Variants in UGT8 observed in about 807,000 individuals in gnomAD.
UGT8 encodes the protein 2-hydroxyacylsphingosine 1-beta-galactosyltransferase.
In UGT8, 12 loss-of-function variants were observed where a neutral mutation model predicts 40.5. The ratio of observed to expected loss-of-function variants is 0.30; its 90% CI spans 0.19 to 0.48. The LOEUF is 0.48. UGT8 is among the 20% of genes least tolerant of loss of function. The probability of loss-of-function intolerance (pLI) is 0.99; values close to 1 mark genes in which losing one functional copy is unlikely to be tolerated. For synonymous variants in UGT8, 224 were observed against 240.4 expected (o/e 0.93, Z 0.63); for missense variants, 513 against 648.7 (o/e 0.79, Z 2.27).
chr4:114,662,341 C>G (rs993606992), intron 2 of UGT8, among the ~76,000 whole-genome samples: 1 of 152,156 alleles, frequency 6.6e-6, no homozygotes, highest in African/African-American at 2.4e-5. Flanking sequence ...AGAGTAAGAG[C>G]TACAGCTCAC....
chr4:114,629,112 C>T (rs369107714), intron 2 of UGT8, among the ~76,000 whole-genome samples: 69 of 152,128 alleles, frequency 4.5e-4, no homozygotes, highest in African/African-American at 1.6e-3. Context: ...AGGGTTGCAG[C>T]AGATGTGGAA....
chr4:114,622,841 G>T (rs368199565), intron 1 of UGT8, 38 bp from the exon 2 acceptor site: 2 of 1,537,342 alleles, frequency 1.3e-6, no homozygotes, highest in African/African-American at 1.4e-5. Context: ...GGTGAGCATT[G>T]TATTTTGTTT....
intron 1 of UGT8, among the ~76,000 whole-genome samples, chr4:114,605,802 TAAGAA>T (rs1326422623): frequency 6.6e-6 from 1 of 152,126 alleles, no homozygotes; most frequent in African/African-American, 2.4e-5. Context: ...ATTTATAGAA[TAAGAA>T]AATAGGGCAA....
At chr4:114,674,744 C>A (rs1452018152) in intron 5 of UGT8, among the ~76,000 whole-genome samples, 1 of 152,244 alleles carries the variant, frequency 6.6e-6, no homozygotes, top group African/African-American at 2.4e-5. Flanking sequence ...AGTCTTCACA[C>A]ATGTCCAATC....
intron 2 of UGT8, among the ~76,000 whole-genome samples, chr4:114,652,095 T>C (rs1283821691): frequency 6.6e-6 from 1 of 152,146 alleles, no homozygotes; most frequent in East Asian, 1.9e-4. Flanking sequence ...AGATAAATTC[T>C]TAAATTTGGC....
chr4:114,656,600 T>A (rs1188216043), intron 2 of UGT8, among the ~76,000 whole-genome samples: 2 of 152,184 alleles, frequency 1.3e-5, no homozygotes, highest in African/African-American at 4.8e-5. Flanking sequence ...AGAAGAAAAG[T>A]CTTGTGAATA....
intron 2 of UGT8, among the ~76,000 whole-genome samples, chr4:114,643,421 C>A (rs1470911913): frequency 6.6e-6 from 1 of 152,068 alleles, no homozygotes; most frequent in Non-Finnish European, 1.5e-5. Context: ...TTGTTTTGTG[C>A]TTTTCCATTT....
chr4:114,642,023 A>G (rs1244727314), intron 2 of UGT8, among the ~76,000 whole-genome samples: 2 of 152,290 alleles, frequency 1.3e-5, no homozygotes, highest in African/African-American at 4.8e-5. Flanking sequence ...ATCAATAAAA[A>G]GAGGAAAGGG....
At chr4:114,647,356 T>TTGTGTGTGTGTGTGTGTG (rs34575248) in intron 2 of UGT8, among the ~76,000 whole-genome samples, 1 of 143,200 alleles carries the variant, frequency 7.0e-6, no homozygotes, top group Non-Finnish European at 1.5e-5. Flanking sequence ...ATTAGCTCTT[T>TTGTGTGTGTGTGTGTGTG]TGTGTGTGTG....
intron 2 of UGT8, among the ~76,000 whole-genome samples, chr4:114,632,044 C>T (rs1732612371): frequency 6.6e-6 from 1 of 152,198 alleles, no homozygotes. Flanking sequence ...GTAAGGGCCT[C>T]AGAACTAATA....
At chr4:114,618,262 T>C (rs1161114034) in intron 1 of UGT8, among the ~76,000 whole-genome samples, 1 of 152,228 alleles carries the variant, frequency 6.6e-6, no homozygotes, top group African/African-American at 2.4e-5. Flanking sequence ...TCTACATAAG[T>C]ATTGGTATCT....
intron 2 of UGT8, among the ~76,000 whole-genome samples, chr4:114,654,391 A>G (rs1734053482): frequency 1.3e-5 from 2 of 152,012 alleles, no homozygotes; most frequent in Admixed American, 6.6e-5. Flanking sequence ...CATTAGAGAC[A>G]TTTCAGCCCC....
chr4:114,616,243 T>A (rs1054308782), intron 1 of UGT8, among the ~76,000 whole-genome samples: 5 of 152,146 alleles, frequency 3.3e-5, no homozygotes, highest in Admixed American at 2.6e-4. Flanking sequence ...TGCAGTGGGC[T>A]CCACCCAGTT....
chr4:114,615,692 G>T (rs1731366374), intron 1 of UGT8, among the ~76,000 whole-genome samples: 1 of 152,098 alleles, frequency 6.6e-6, no homozygotes, highest in South Asian at 2.1e-4. Flanking sequence ...ATTCCAGCTG[G>T]CAGGAAGGTG....
At chr4:114,601,244 T>G (rs925357257) in intron 1 of UGT8, among the ~76,000 whole-genome samples, 1 of 152,208 alleles carries the variant, frequency 6.6e-6, no homozygotes, top group Non-Finnish European at 1.5e-5. Context: ...TTTTGACAGT[T>G]TACATTTCCC....
rs751690973 is a variant in UGT8, at chr4:114,623,585, T to C, written c.705T>C (p.His235=). The change falls in exon 2 of 6, where the codon CAT becomes CAC. Residue 235 remains histidine, a synonymous_variant. Coordinates refer to ENST00000310836, the MANE Select transcript of UGT8 (RefSeq NM_001128174.3). The stretch of plus-strand genomic sequence containing the variant: ...AGAAGTCCATGTATGATTTGGTTCA[T>C]GGGTCCAGCCTGTGGATGCTGTGTA... ...LPEKSMYDLV[H]GSSLWMLCTD... is the part of the protein sequence containing the mutation. 60 of 1,614,062 alleles carry C rather than the reference T, an allele frequency of 3.7e-5. No homozygotes were observed. Among genetic ancestry groups the C allele is most frequent in the East Asian group, 1.3e-4 (6 of 44,878 alleles).
At chr4:114,614,716 T>C (rs985935687) in intron 1 of UGT8, among the ~76,000 whole-genome samples, 1 of 152,206 alleles carries the variant, frequency 6.6e-6, no homozygotes, top group Admixed American at 6.5e-5. Context: ...ATGAAAAACA[T>C]TAATTTAGTA....
At chr4:114,616,489 G>A (rs939568600) in intron 1 of UGT8, among the ~76,000 whole-genome samples, 4 of 152,130 alleles carry the variant, frequency 2.6e-5, no homozygotes, top group Non-Finnish European at 5.9e-5. Flanking sequence ...TTTTCCAGGT[G>A]CCTTCTGTCA....
intron 2 of UGT8, among the ~76,000 whole-genome samples, chr4:114,660,727 G>A (rs1383312722): frequency 6.6e-6 from 1 of 151,498 alleles, no homozygotes; most frequent in Non-Finnish European, 1.5e-5. Flanking sequence ...CCCATCTCTA[G>A]TAAAAATACA....
Sources: gnomAD v4.1 joint callset for allele counts (sites outside exome capture counted in the v4.1 genomes callset) on GRCh38, gnomAD v4.1.1 for gene constraint, MANE v1.5 for transcripts, NCBI Gene and HGNC (gene_info 2026-07-23, HGNC 2026-07-21) for gene names.